The following BEAN1 variants were observed in gnomAD, a reference collection of about 807,000 sequenced individuals.
BEAN1 encodes brain expressed associated with NEDD4 1.
In BEAN1, 17 loss-of-function variants were observed where a neutral mutation model predicts 17.7. The ratio of observed to expected loss-of-function variants is 0.96; its 90% CI spans 0.66 to 1.44. The LOEUF is 1.44. Ranked by LOEUF, BEAN1 falls within the 40% of genes most tolerant of loss-of-function variation. The probability of loss-of-function intolerance (pLI) is 0.00; values close to 1 mark genes in which losing one functional copy is unlikely to be tolerated. For missense variants in BEAN1, 359 were observed against 374.1 expected (o/e 0.96, Z 0.33); for synonymous variants, 142 against 151.8 (o/e 0.94, Z 0.47).
chr16:66,462,870 G>A (rs1597017940), intron 2 of BEAN1, among the ~76,000 whole-genome samples: 1 of 151,974 alleles, frequency 6.6e-6, no homozygotes, highest in Non-Finnish European at 1.5e-5. Context: ...GGTGGACAGG[G>A]AATCCAAAGA....
At chr16:66,429,125 T>A (rs1410544813) in intron 1 of BEAN1, among the ~76,000 whole-genome samples, 9 of 152,170 alleles carry the variant, frequency 5.9e-5, no homozygotes, top group Non-Finnish European at 1.3e-4. Context: ...TGAGGAGCCA[T>A]CAGGCTGTCA....
chr16:66,477,288 G>T (rs151048506), intron 3 of BEAN1, among the ~76,000 whole-genome samples: 139 of 152,278 alleles, frequency 9.1e-4, no homozygotes, highest in African/African-American at 3.2e-3. Flanking sequence ...ACTGCCTAGT[G>T]CCAGGTTATC....
intron 1 of BEAN1, among the ~76,000 whole-genome samples, chr16:66,429,921 C>T (rs1330379916): frequency 6.6e-6 from 1 of 152,206 alleles, no homozygotes; most frequent in Non-Finnish European, 1.5e-5. Context: ...CTCAGAGGAC[C>T]ATTGTCTGAA....
intron 3 of BEAN1, among the ~76,000 whole-genome samples, chr16:66,472,474 C>T (rs930302981): frequency 6.6e-6 from 1 of 152,178 alleles, no homozygotes. Context: ...GAGGCTGAGG[C>T]GGACGGATCA....
At chr16:66,440,036 G>A (rs143782298) in intron 2 of BEAN1, among the ~76,000 whole-genome samples, 107 of 151,566 alleles carry the variant, frequency 7.1e-4, no homozygotes, top group South Asian at 2.1e-3. Flanking sequence ...TTGTGCACCC[G>A]CACCCCAACA....
chr16:66,440,052 T>C (rs538226130), intron 2 of BEAN1, among the ~76,000 whole-genome samples: 6 of 151,018 alleles, frequency 4.0e-5, no homozygotes, highest in Non-Finnish European at 8.9e-5. Flanking sequence ...CAACATCCCA[T>C]CAACTTCTGT....
chr16:66,440,728 T>C (rs995639648), intron 2 of BEAN1, among the ~76,000 whole-genome samples: 1 of 152,238 alleles, frequency 6.6e-6, no homozygotes, highest in Non-Finnish European at 1.5e-5. Context: ...CCCTAGTTTC[T>C]TCCTGGGCTT....
At chr16:66,433,674 A>C (rs998578741) in intron 1 of BEAN1, among the ~76,000 whole-genome samples, 1 of 152,168 alleles carries the variant, frequency 6.6e-6, no homozygotes, top group African/African-American at 2.4e-5. Context: ...CAGTGTTGTC[A>C]TCTGTGAATT....
chr16:66,471,917 C>T lies in BEAN1; in HGVS notation c.289+2052C>T, dbSNP rs1963497133. ...GCATGCCCATCCCCTGCAAGAGAAA[C>T]CCAGGTCCCCAAGCCCTGGAGGATG... is the stretch of plus-strand genomic sequence containing the variant. On this transcript the variant is annotated intron_variant, in intron 3 of 4. Coordinates refer to ENST00000536005, the MANE Select transcript of BEAN1 (RefSeq NM_001178020.3). This position sits in a 1 kb window ranked among gnomAD's most constrained non-coding sequence, Gnocchi z 4.7. 6.6e-6 allele frequency among the ~76,000 whole-genome samples: 1 copy of T among 152,208 alleles called. No individual in the cohort carries two copies. Among genetic ancestry groups the T allele is most frequent in the Non-Finnish European group, 1.5e-5 (1 of 68,042 alleles).
At chr16:66,480,090 G>C (rs1055856534) in intron 4 of BEAN1, among the ~76,000 whole-genome samples, 1 of 152,096 alleles carries the variant, frequency 6.6e-6, no homozygotes, top group Non-Finnish European at 1.5e-5. Context: ...CCAGGGGCTC[G>C]AGCAGGGGTG....
intron 4 of BEAN1, among the ~76,000 whole-genome samples, chr16:66,487,836 C>A (rs1313349162): frequency 6.6e-6 from 1 of 152,178 alleles, no homozygotes; most frequent in East Asian, 1.9e-4. Context: ...CCCATGCCTC[C>A]ACCTCCCCTC....
At chr16:66,484,442 T>C, downstream of BEAN1, 1 of 374,378 alleles carries the variant, frequency 2.7e-6, no homozygotes, top group South Asian at 2.0e-5. This position sits in a 1 kb window ranked among gnomAD's most constrained non-coding sequence, Gnocchi z 4.2. Flanking sequence ...TGCTGTGGTG[T>C]GTCACATATG....
intron 4 of BEAN1, among the ~76,000 whole-genome samples, chr16:66,491,875 C>G (rs779220186): frequency 1.3e-5 from 2 of 152,156 alleles, no homozygotes; most frequent in Non-Finnish European, 2.9e-5. Flanking sequence ...GGCCAGGTTC[C>G]TAACAGACCA....
At chr16:66,469,236 G>A (rs1963372990) in intron 2 of BEAN1, among the ~76,000 whole-genome samples, 1 of 152,230 alleles carries the variant, frequency 6.6e-6, no homozygotes, top group Admixed American at 6.5e-5. Flanking sequence ...CTTTCAACTT[G>A]TCTAGCTCTA....
chr16:66,478,500 G>C (rs1274351210), intron 4 of BEAN1, among the ~76,000 whole-genome samples: 1 of 152,302 alleles, frequency 6.6e-6, no homozygotes, highest in South Asian at 2.1e-4. Flanking sequence ...TACTTGGGAG[G>C]CTGAGGCAGG....
At chr16:66,456,692 A>G (rs530218805) in intron 2 of BEAN1, among the ~76,000 whole-genome samples, 1 of 152,360 alleles carries the variant, frequency 6.6e-6, no homozygotes, top group African/African-American at 2.4e-5. Flanking sequence ...CTGCAGAAAT[A>G]GGGAAAAGTA....
At chr16:66,460,361 C>A (rs1342552715) in intron 2 of BEAN1, among the ~76,000 whole-genome samples, 1 of 152,230 alleles carries the variant, frequency 6.6e-6, no homozygotes, top group Non-Finnish European at 1.5e-5. Context: ...GATGGATGTA[C>A]AGTAAGTGCT....
At chr16:66,485,625 C>T (rs1358912487), downstream of BEAN1, 1 of 163,140 alleles carries the variant, frequency 6.1e-6, no homozygotes, top group Non-Finnish European at 1.4e-5. Context: ...GGTGGCAGCC[C>T]AGTTGTGCCA....
chr16:66,437,835 C>G, intron 2 of BEAN1, 134 bp downstream of exon 2: 4 of 1,203,006 alleles, frequency 3.3e-6, no homozygotes, highest in Non-Finnish European at 4.7e-6. Context: ...ATGTGGCATG[C>G]TGGGTGGGGA....
Sources: allele counts gnomAD v4.1 joint callset (sites outside exome capture counted in the v4.1 genomes callset), GRCh38; gene constraint gnomAD v4.1.1; non-coding constraint Gnocchi (gnomAD v3.1); transcripts MANE v1.5; gene names NCBI Gene and HGNC (gene_info 2026-07-23, HGNC 2026-07-21).